The following ZC3H4 variants were observed in gnomAD, a reference collection of about 807,000 sequenced individuals.
ZC3H4 encodes the protein zinc finger CCCH domain-containing protein 4.
In ZC3H4, 13 loss-of-function variants were observed where a neutral mutation model predicts 108.3. The observed-to-expected ratio is 0.12, with a 90% CI of 0.08 to 0.19. ZC3H4 has a LOEUF of 0.19. Among genes scored for constraint, ZC3H4 ranks in the 10% least tolerant of loss-of-function variants. The pLI, the probability that ZC3H4 is intolerant of heterozygous loss-of-function variation, is 1.00. For synonymous variants in ZC3H4, 917 were observed against 749.6 expected (o/e 1.22, Z -3.65); for missense variants, 1,734 against 1,838.8 (o/e 0.94, Z 1.04).
At chr19:47,082,431 G>T in intron 9 of ZC3H4, 136 bp from the exon 10 acceptor site, 1 of 687,778 alleles carries the variant, frequency 1.5e-6, no homozygotes, top group Non-Finnish European at 2.6e-6. Flanking sequence ...CTTAGGAAAG[G>T]AAGACAGGTG....
rs1026380064 is a variant in ZC3H4, at chr19:47,064,436, G to A, written c.*1920C>T. On this transcript the variant is annotated 3_prime_UTR_variant, in exon 15 of 15. Transcript: ENST00000253048. ...GAGAACAATTTTTCTTTAAAAGCTCGGCCTGATGGCAAATGAGAATTTCGG... is the reference window on the plus strand; with the variant it reads ...GAGAACAATTTTTCTTTAAAAGCTCAGCCTGATGGCAAATGAGAATTTCGG... 4 of 152,332 alleles carry A rather than the reference G, an allele frequency of 2.6e-5. No homozygotes were observed. Among genetic ancestry groups the A allele is most frequent in the South Asian group, 4.1e-4 (2 of 4,830 alleles). 9.4% of individuals were successfully genotyped at this position (152,332 alleles called of 1,614,324 possible). A position where few individuals can be genotyped will look rare whatever the true frequency, so the allele number is the denominator to read the frequency against.
rs1466881988 is a variant in ZC3H4 at position 47,066,572 on chromosome 19, G to GGTGGCAGCGGGGGCT, written c.3681_3695dup (p.Ala1228_Thr1232dup). On this transcript the variant is annotated inframe_insertion, in exon 15 of 15. Coordinates refer to ENST00000253048, the MANE Select transcript of ZC3H4 (RefSeq NM_015168.2). ...CACCCTCGGGGGGTGGGGTGGCGGT[G>GGTGGCAGCGGGGGCT]GTGGCAGCGGGGGCTGCAGCAGCCT... The GGTGGCAGCGGGGGCT allele has an allele frequency of 3.8e-6, 6 of 1,585,964 alleles. No individual in the cohort carries two copies. Among genetic ancestry groups the GGTGGCAGCGGGGGCT allele is most frequent in the Non-Finnish European group, 5.1e-6 (6 of 1,165,746 alleles).
rs565331975 is a variant in ZC3H4, at chr19:47,069,036, G to A, written c.2398+56C>T. 5.4e-5 allele frequency: 87 copies of A among 1,597,814 alleles called. 1 individual carries two copies. The South Asian group carries it at 7.8e-4, about 14-fold the overall frequency. On this transcript the variant is annotated intron_variant, in intron 14 of 14. Transcript: ENST00000253048. The stretch of plus-strand genomic sequence containing the variant: ...CAACCTGGAACACCCCACCACCGCC[G>A]CTCCCCTGCACAGCGGCCTGGGGCC...
chr19:47,072,221 C>T lies in ZC3H4; in HGVS notation c.1803-100G>A. Reference sequence around the variant, plus strand: ...GGGCTGCAGAGCCGAAGGTCATGGGCCCCAGACCAGGACTCCCACAGCTGG... The same window carrying T: ...GGGCTGCAGAGCCGAAGGTCATGGGTCCCAGACCAGGACTCCCACAGCTGG... On this transcript the variant is annotated intron_variant, in intron 12 of 14. Transcript: ENST00000253048. The surrounding 1 kb of genome is among the most constrained non-coding windows in gnomAD (Gnocchi z 5.6). 2 of 1,403,904 alleles carry T rather than the reference C, an allele frequency of 1.4e-6. No homozygotes were observed. The highest frequency in any genetic ancestry group is 1.4e-5 in the African/African-American group (1 of 69,124). 87.0% of individuals were successfully genotyped at this position (1,403,904 alleles called of 1,614,324 possible).
chr19:47,077,813 C>T (rs1047841490), intron 11 of ZC3H4, among the ~76,000 whole-genome samples: 3 of 150,120 alleles, frequency 2.0e-5, no homozygotes, highest in East Asian at 2.0e-4. Flanking sequence ...GCCAAGATCG[C>T]GCCACTGTGC....
chr19:47,084,960 C>A (rs2057590374), intron 8 of ZC3H4, 96 bp downstream of exon 8: 2 of 1,523,136 alleles, frequency 1.3e-6, no homozygotes, highest in Middle Eastern at 1.7e-4. Context: ...TGGCTGATGG[C>A]AGCAAGGATC....
chr19:47,077,241 G>A (rs1197290057), intron 11 of ZC3H4, among the ~76,000 whole-genome samples: 2 of 151,416 alleles, frequency 1.3e-5, no homozygotes, highest in South Asian at 2.1e-4. Flanking sequence ...GAGGCCTGCG[G>A]GTGGATCACC....
intron 2 of ZC3H4, among the ~76,000 whole-genome samples, chr19:47,101,686 C>T (rs1345886417): frequency 6.6e-6 from 1 of 151,878 alleles, no homozygotes; most frequent in Non-Finnish European, 1.5e-5. Context: ...GCCTGACCAA[C>T]GTGGAGAAAC....
rs1386095540 is a variant in ZC3H4, at chr19:47,078,685, C to A, written c.1440+2828G>T. Among the ~76,000 whole-genome samples, 3 of 151,992 alleles carry A rather than the reference C, an allele frequency of 2.0e-5. No individual in the cohort carries two copies. In the East Asian group the frequency reaches 5.9e-4, roughly 30 times the overall value. On this transcript the variant is annotated intron_variant, in intron 11 of 14. Transcript: ENST00000253048. The stretch of plus-strand genomic sequence containing the variant: ...GACCAGCCTGGCCAACAGGGTGAAA[C>A]CCTGTCTCTACTAAAAATACAAAAC...
chr19:47,076,859 GGC>G (rs1256429654), intron 11 of ZC3H4, among the ~76,000 whole-genome samples: 1 of 151,908 alleles, frequency 6.6e-6, no homozygotes, highest in Non-Finnish European at 1.5e-5. Flanking sequence ...CGGGCGTGGT[GGC>G]ACACACCTGT....
chr19:47,069,241 C>T lies in ZC3H4; in HGVS notation c.2249G>A (p.Gly750Asp). The T allele has an allele frequency of 6.2e-7, 1 of 1,613,662 alleles. No homozygotes were observed. ...GACACCGGCGCCTGGCTTCGGCCGG[C>T]CTGGGGGCCCTCCCTCAGAGAAGCT... ...PDSFSEGGPP[G>D]RPKPGAGVPD... The change falls in exon 14 of 15, where the codon GGC becomes GAC. Residue 750 changes from glycine (G) to aspartate (D), a missense_variant. Coordinates refer to ENST00000253048, the MANE Select transcript of ZC3H4 (RefSeq NM_015168.2).
At chr19:47,091,503 G>A (rs1349118134) in intron 4 of ZC3H4, among the ~76,000 whole-genome samples, 2 of 152,208 alleles carry the variant, frequency 1.3e-5, no homozygotes, top group South Asian at 4.1e-4. Context: ...GAACCCGGGA[G>A]GCAGAGGATG....
chr19:47,078,838 G>A (rs558504628), intron 11 of ZC3H4, among the ~76,000 whole-genome samples: 3 of 151,990 alleles, frequency 2.0e-5, no homozygotes, highest in East Asian at 3.9e-4. Context: ...CAGCCTGGGC[G>A]AAAGAGTGAA....
At chr19:47,086,652 TCTCCTCCTCCTC>T (rs535318899) in intron 5 of ZC3H4, 114 bp from the exon 6 acceptor site, 30 of 1,383,432 alleles carry the variant, frequency 2.2e-5, no homozygotes, top group Non-Finnish European at 2.8e-5. Context: ...TCCTCCTCCT[TCTCCTCCTCCTC>T]CTCCTCCAAG....
In ZC3H4 at chr19:47,066,191, A is replaced by T. The variant is rs1450294435; in HGVS notation, c.*165T>A. The T allele has an allele frequency of 1.8e-6, 1 of 564,942 alleles. No homozygotes were observed. Among genetic ancestry groups the T allele is most frequent in the African/African-American group, 1.9e-5 (1 of 51,434 alleles). The allele number at this position is 564,942 out of a possible 1,614,324, so 35.0% of individuals were successfully genotyped here. ...TATATACAATTTACAAATCTCAAAG[A>T]AAGTACTACTTTAAAAAAAAATAAA... On this transcript the variant is annotated 3_prime_UTR_variant, in exon 15 of 15. Coordinates refer to ENST00000253048, the MANE Select transcript of ZC3H4 (RefSeq NM_015168.2).
intron 2 of ZC3H4, chr19:47,097,089 G>C: frequency 2.8e-6 from 2 of 723,870 alleles, no homozygotes; most frequent in South Asian, 6.3e-5. Context: ...CCATCATCCA[G>C]AATGATTCTA....
At chr19:47,095,420 G>C (rs2057805388) in intron 2 of ZC3H4, among the ~76,000 whole-genome samples, 1 of 152,182 alleles carries the variant, frequency 6.6e-6, no homozygotes, top group Non-Finnish European at 1.5e-5. Context: ...CTGGAGGAGG[G>C]GGGACGGATC....
rs767831921 is a variant in ZC3H4, at chr19:47,086,366, G to A, written c.870+18C>T. 2 of 1,612,930 alleles carry A rather than the reference G, an allele frequency of 1.2e-6. No individual in the cohort carries two copies. The highest frequency in any genetic ancestry group is 1.7e-4 in the Middle Eastern group (1 of 6,054). On this transcript the variant is annotated intron_variant, in intron 6 of 14. Coordinates refer to ENST00000253048, the MANE Select transcript of ZC3H4 (RefSeq NM_015168.2). ...ACCAGCCTCACCCCGACGTCCCCAG[G>A]GCCAGAGGAAACCTTACGTCCATCT...
At chr19:47,096,505 G>C (rs1255147671) in intron 2 of ZC3H4, among the ~76,000 whole-genome samples, 2 of 152,232 alleles carry the variant, frequency 1.3e-5, no homozygotes, top group Admixed American at 6.5e-5. Context: ...CTGTTACTCA[G>C]TGACATGGCA....
Sources: allele counts gnomAD v4.1 joint callset (sites outside exome capture counted in the v4.1 genomes callset), GRCh38; gene constraint gnomAD v4.1.1; non-coding constraint Gnocchi (gnomAD v3.1); transcripts MANE v1.5; gene names NCBI Gene and HGNC (gene_info 2026-07-23, HGNC 2026-07-21).